The following ARHGAP42 variants were observed in gnomAD, a reference collection of about 807,000 sequenced individuals.
ARHGAP42 encodes the protein rho GTPase-activating protein 42.
Under a neutral mutation model 125.0 loss-of-function variants are expected in ARHGAP42, and 63 were observed. The ratio of observed to expected loss-of-function variants is 0.50; its 90% confidence interval spans 0.41 to 0.62. The LOEUF (loss-of-function observed/expected upper bound fraction) is 0.62, where lower values mean the gene tolerates loss of function less well. Ranked by LOEUF, ARHGAP42 falls within the 20% of genes least tolerant of loss-of-function variation. The probability of loss-of-function intolerance (pLI) is 0.00; values close to 1 mark genes in which losing one functional copy is unlikely to be tolerated. For synonymous variants in ARHGAP42, 339 were observed against 351.0 expected, an observed-to-expected ratio of 0.97 and a Z score of 0.38; for missense variants, 766 against 1,024.2, an observed-to-expected ratio of 0.75 and a Z score of 3.44.
At chr11:100,900,000 A>G (rs141780123) in intron 4 of ARHGAP42, among the ~76,000 whole-genome samples, 1 of 152,186 alleles carries the variant, frequency 6.6e-6, no homozygotes, top group East Asian at 1.9e-4. Context: ...TCTTCATAGC[A>G]TCGATGGTCT....
In ARHGAP42 at chr11:100,716,558, T is replaced by C. The variant is rs12808682; in HGVS notation, c.154+28726T>C. Among the ~76,000 whole-genome samples the C allele has an allele frequency of 2.8e-3, 423 of 152,274 alleles. 1 individual carries two copies. Among genetic ancestry groups the C allele is most frequent in the Middle Eastern group, 0.024 (7 of 294 alleles). On this transcript the variant is annotated intron_variant, in intron 1 of 23. Coordinates refer to ENST00000298815, the MANE Select transcript of ARHGAP42 (RefSeq NM_152432.4). ...TCTCTGGACTCACTTGTATGTTTAT[T>C]GTGTGAAATACAACTGTATTTTTGT...
intron 3 of ARHGAP42, among the ~76,000 whole-genome samples, chr11:100,812,240 G>A (rs6590823): frequency 0.022 from 3,387 of 152,296 alleles, 121 homozygotes; most frequent in African/African-American, 0.076. Context: ...ATAGCAAAGC[G>A]GATGGTGGAC....
intron 3 of ARHGAP42, among the ~76,000 whole-genome samples, chr11:100,857,976 C>T (rs1865359779): frequency 6.6e-6 from 1 of 151,964 alleles, no homozygotes; most frequent in African/African-American, 2.4e-5. Flanking sequence ...TTTATTGTTG[C>T]TATTACTCCA....
rs1275426560 is a variant in ARHGAP42 at position 100,976,948 on chromosome 11, T to C, written c.2370T>C (p.Asn790=). The C allele has an allele frequency of 3.2e-6, 5 of 1,551,332 alleles. No homozygotes were observed. The Admixed American group carries it at 9.8e-5, about 30-fold the overall frequency. ...RRLRLDTASS[N]GYQRPGSVVA... ...TAAGACTAGACACTGCCTCAAGCAA[T>C]GGCTATCAGCGGCCTGGCTCAGTGT... The change falls in exon 21 of 24, where the codon AAT becomes AAC. Residue 790 remains asparagine, a synonymous_variant. Coordinates refer to ENST00000298815, the MANE Select transcript of ARHGAP42 (RefSeq NM_152432.4).
intron 4 of ARHGAP42, among the ~76,000 whole-genome samples, chr11:100,893,158 GGTGT>G (rs142725608): frequency 1.8e-4 from 27 of 147,084 alleles, no homozygotes; most frequent in African/African-American, 3.5e-4. Context: ...AACATTTAGG[GGTGT>G]GTGTGTGTGT....
chr11:100,947,704 A>T (rs1291731967), intron 10 of ARHGAP42, among the ~76,000 whole-genome samples: 1 of 151,910 alleles, frequency 6.6e-6, no homozygotes, highest in Non-Finnish European at 1.5e-5. Flanking sequence ...GTATGTTATT[A>T]TTTGTCATTC....
At chr11:100,734,147 C>G (rs973256039) in intron 1 of ARHGAP42, among the ~76,000 whole-genome samples, 5 of 151,304 alleles carry the variant, frequency 3.3e-5, no homozygotes, top group African/African-American at 7.3e-5. Flanking sequence ...GTTGGCCAGG[C>G]TAGTCTCGAA....
intron 4 of ARHGAP42, among the ~76,000 whole-genome samples, chr11:100,899,130 G>A (rs901670877): frequency 6.6e-6 from 1 of 152,172 alleles, no homozygotes; most frequent in Non-Finnish European, 1.5e-5. Context: ...AGGTTGTTCT[G>A]TTTCCACGTA....
intron 3 of ARHGAP42, among the ~76,000 whole-genome samples, chr11:100,842,104 T>G (rs1864958408): frequency 6.6e-6 from 1 of 152,148 alleles, no homozygotes; most frequent in African/African-American, 2.4e-5. Flanking sequence ...CCAGCTTCAG[T>G]TTACAAGAAC....
intron 2 of ARHGAP42, among the ~76,000 whole-genome samples, chr11:100,791,116 A>G (rs1041857551): frequency 1.4e-4 from 21 of 152,052 alleles, no homozygotes; most frequent in Non-Finnish European, 2.4e-4. Context: ...TGTAGAATAG[A>G]CTCCACAGTT....
At chr11:100,794,504 C>T (rs535674687) in intron 2 of ARHGAP42, among the ~76,000 whole-genome samples, 25 of 152,306 alleles carry the variant, frequency 1.6e-4, no homozygotes, top group African/African-American at 5.5e-4. Context: ...TGAGAGTCTG[C>T]ATTTCTAACA....
intron 1 of ARHGAP42, among the ~76,000 whole-genome samples, chr11:100,731,302 G>T (rs889896001): frequency 2.0e-5 from 3 of 152,058 alleles, no homozygotes; most frequent in Non-Finnish European, 4.4e-5. Context: ...GGGACTACAG[G>T]CACCTGCCAC....
intron 4 of ARHGAP42, among the ~76,000 whole-genome samples, chr11:100,860,461 G>T (rs1865419115): frequency 6.6e-6 from 1 of 151,932 alleles, no homozygotes; most frequent in Non-Finnish European, 1.5e-5. Context: ...CTGTGGTTCT[G>T]CTTGACAGTT....
chr11:100,921,241 ATATATTTTTTTTTTTTTT>A (rs1867255695), intron 5 of ARHGAP42, among the ~76,000 whole-genome samples: 69 of 25,098 alleles, frequency 2.7e-3, no homozygotes, highest in African/African-American at 0.01. Flanking sequence ...ATATATATAT[ATATATTTTTTTTTTTTTT>A]TTTTTTTTTT....
intron 1 of ARHGAP42, among the ~76,000 whole-genome samples, chr11:100,697,180 G>GT (rs1565531970): frequency 7.3e-6 from 1 of 137,064 alleles, no homozygotes; most frequent in African/African-American, 2.8e-5. Flanking sequence ...TTGTTGTTTT[G>GT]GTTTTTTTTT....
chr11:100,853,756 C>T (rs1036068629), intron 3 of ARHGAP42, among the ~76,000 whole-genome samples: 2 of 152,042 alleles, frequency 1.3e-5, no homozygotes, highest in African/African-American at 4.8e-5. Context: ...TTGATTTATA[C>T]ATTCAGCAGT....
intron 1 of ARHGAP42, among the ~76,000 whole-genome samples, chr11:100,744,734 C>G (rs1204773923): frequency 1.3e-5 from 2 of 152,114 alleles, no homozygotes; most frequent in African/African-American, 4.8e-5. Flanking sequence ...TTCTCAGATA[C>G]TGGTTGTAGT....
intron 4 of ARHGAP42, among the ~76,000 whole-genome samples, chr11:100,881,057 G>C (rs1386055392): frequency 6.6e-6 from 1 of 152,082 alleles, no homozygotes; most frequent in Non-Finnish European, 1.5e-5. Flanking sequence ...TGTGCTAACT[G>C]TTCCTTTTGC....
intron 19 of ARHGAP42, 77 bp downstream of exon 19, chr11:100,974,680 T>A: frequency 7.3e-7 from 1 of 1,373,064 alleles, no homozygotes; most frequent in Non-Finnish European, 9.7e-7. Flanking sequence ...GGTAATTAGG[T>A]AGAAATAGAA....
Sources: allele counts gnomAD v4.1 joint callset (sites outside exome capture counted in the v4.1 genomes callset), GRCh38; gene constraint gnomAD v4.1.1; transcripts MANE v1.5; gene names NCBI Gene and HGNC (gene_info 2026-07-23, HGNC 2026-07-21).